Variants in FLT3 observed in about 807,000 individuals in gnomAD.
The protein encoded by FLT3 is receptor-type tyrosine-protein kinase FLT3.
FLT3 carries 46 observed loss-of-function variants against 126.6 expected under a neutral mutation model. The ratio of observed to expected loss-of-function variants is 0.36; its 90% confidence interval spans 0.29 to 0.46. FLT3 has a LOEUF of 0.46. Among genes scored for constraint, FLT3 ranks in the 20% least tolerant of loss-of-function variants. The probability of loss-of-function intolerance (pLI) is 1.00; values close to 1 mark genes in which losing one functional copy is unlikely to be tolerated. For synonymous variants in FLT3, 404 were observed against 434.4 expected (o/e 0.93, Z 0.87); for missense variants, 1,069 against 1,190.3 (o/e 0.90, Z 1.50).
In FLT3 at chr13:28,070,989, A is replaced by AT. The variant is rs1877452959; in HGVS notation, c.44-378_44-377insA. 6.0e-5 allele frequency among the ~76,000 whole-genome samples: 5 copies of AT among 83,436 alleles called. No homozygotes were observed. In the South Asian group the frequency reaches 2.0e-3, roughly 34 times the overall value. 54.7% of individuals were successfully genotyped at this position (83,436 alleles called of 152,430 possible). On this transcript the variant is annotated intron_variant, in intron 1 of 23. Coordinates refer to ENST00000241453, the MANE Select transcript of FLT3 (RefSeq NM_004119.3). Reference sequence around the variant, plus strand: ...CACTTTTTATTGTATATAGATTTCTACCTTTTTTTTTTTTTTTTTTTTTGA... The same window carrying AT: ...CACTTTTTATTGTATATAGATTTCTATCCTTTTTTTTTTTTTTTTTTTTTGA...
At chr13:28,054,295 CTTAAT>C (rs1875809262) in intron 4 of FLT3, among the ~76,000 whole-genome samples, 1 of 151,654 alleles carries the variant, frequency 6.6e-6, no homozygotes, top group African/African-American at 2.4e-5. Flanking sequence ...TCATTGTGGT[CTTAAT>C]TTAATTTCTC....
At chr13:28,058,207 T>TAAAAAAAAAA (rs57780867) in intron 3 of FLT3, among the ~76,000 whole-genome samples, 17 of 127,598 alleles carry the variant, frequency 1.3e-4, no homozygotes, top group East Asian at 2.4e-4. Context: ...TTTTAAAAAT[T>TAAAAAAAAAA]AAAAAAAAAA....
At chr13:28,079,311 G>T (rs1254154703) in intron 1 of FLT3, among the ~76,000 whole-genome samples, 1 of 152,078 alleles carries the variant, frequency 6.6e-6, no homozygotes, top group African/African-American at 2.4e-5. Context: ...CCTCGGCTTG[G>T]ACCTTATTGT....
chr13:28,097,335 CTCT>C (rs908834670), intron 1 of FLT3, among the ~76,000 whole-genome samples: 4 of 152,162 alleles, frequency 2.6e-5, no homozygotes, highest in African/African-American at 9.6e-5. Flanking sequence ...TGCATGTTTT[CTCT>C]TCATTTTTCT....
intron 1 of FLT3, among the ~76,000 whole-genome samples, chr13:28,090,934 G>A (rs186392617): frequency 1.6e-3 from 242 of 152,240 alleles, no homozygotes; most frequent in Non-Finnish European, 2.9e-3. Context: ...AATTGAAAAA[G>A]AGCTCTCAAA....
chr13:28,029,212 G>A (rs993414319), intron 15 of FLT3, among the ~76,000 whole-genome samples: 10 of 152,196 alleles, frequency 6.6e-5, no homozygotes, highest in African/African-American at 1.7e-4. Flanking sequence ...CCAACATGGT[G>A]AAACCCTGTC....
chr13:28,007,811 C>T (rs1049246038), intron 23 of FLT3, among the ~76,000 whole-genome samples: 1 of 152,158 alleles, frequency 6.6e-6, no homozygotes, highest in Non-Finnish European at 1.5e-5. Flanking sequence ...GTGGCTAATA[C>T]ATTAGTAAAC....
At chr13:28,088,645 G>GTGCGAT (rs1878839264) in intron 1 of FLT3, among the ~76,000 whole-genome samples, 1 of 144,718 alleles carries the variant, frequency 6.9e-6, no homozygotes, top group Non-Finnish European at 1.5e-5. Flanking sequence ...GAGTGCAATG[G>GTGCGAT]TGCGATCTTG....
At chr13:28,035,768 G>T in intron 11 of FLT3, 95 bp from the exon 12 acceptor site, 1 of 1,346,492 alleles carries the variant, frequency 7.4e-7, no homozygotes, top group Non-Finnish European at 1.0e-6. Flanking sequence ...GATTCATCCA[G>T]TATAAGTTAT....
At chr13:28,052,150 A>G (rs1230014110) in intron 5 of FLT3, among the ~76,000 whole-genome samples, 1 of 151,518 alleles carries the variant, frequency 6.6e-6, no homozygotes, top group Non-Finnish European at 1.5e-5. Context: ...GCTGGAGTGC[A>G]ATGGCGTGAT....
chr13:28,092,728 G>T (rs559266007), intron 1 of FLT3, among the ~76,000 whole-genome samples: 14 of 151,636 alleles, frequency 9.2e-5, no homozygotes, highest in Non-Finnish European at 1.5e-4. Context: ...ATCAGAGCAT[G>T]TCACACCTCT....
Position 28,100,519 on chromosome 13 carries a change from G to A in FLT3, c.-9C>T. The stretch of plus-strand genomic sequence containing the variant: ...CGCGCCAACGCCGGCATGGCCTCCG[G>A]AGCCCGGGGTCCCCAGGCCGCGCCG... On this transcript the variant is annotated 5_prime_UTR_variant, in exon 1 of 24. Transcript: ENST00000241453. This position sits in a 1 kb window ranked among gnomAD's most constrained non-coding sequence, Gnocchi z 4.8. 8.2e-7 allele frequency: 1 copy of A among 1,214,648 alleles called. No homozygotes were observed. The highest frequency in any genetic ancestry group is 4.1e-5 in the South Asian group (1 of 24,210). 75.2% of individuals were successfully genotyped at this position (1,214,648 alleles called of 1,614,324 possible). A position where few individuals can be genotyped will look rare whatever the true frequency, so the allele number is the denominator to read the frequency against.
chr13:28,098,738 A>G (rs982212678), intron 1 of FLT3, among the ~76,000 whole-genome samples: 1 of 152,182 alleles, frequency 6.6e-6, no homozygotes, highest in Non-Finnish European at 1.5e-5. Flanking sequence ...TAATGGATAA[A>G]ATAAATTATA....
At chr13:28,051,759 G>A (rs1345930440) in intron 5 of FLT3, among the ~76,000 whole-genome samples, 2 of 149,206 alleles carry the variant, frequency 1.3e-5, no homozygotes, top group Non-Finnish European at 3.0e-5. Context: ...TGTTAGCCAG[G>A]ATGATCTCGA....
At chr13:28,098,992 A>G (rs1199071911) in intron 1 of FLT3, among the ~76,000 whole-genome samples, 3 of 152,164 alleles carry the variant, frequency 2.0e-5, no homozygotes, top group Admixed American at 1.3e-4. Flanking sequence ...GAATTGCTCT[A>G]TATCTCAGTC....
rs914275836 is a variant in FLT3, at chr13:28,028,097, G to C, written c.2053+81C>G. The C allele has an allele frequency of 1.7e-5, 13 of 750,532 alleles. No individual in the cohort carries two copies. In the Admixed American group the frequency reaches 2.6e-4, roughly 15 times the overall value. The allele number at this position is 750,532 out of a possible 1,614,324, so 46.5% of individuals were successfully genotyped here. On this transcript the variant is annotated intron_variant, in intron 16 of 23. Coordinates refer to ENST00000241453, the MANE Select transcript of FLT3 (RefSeq NM_004119.3). ...AAAGACAAAGAATTAAAAAGAGAGAGAGAGAGAGAGAGAGCAAACATCCTC... is the reference window on the plus strand; with the variant it reads ...AAAGACAAAGAATTAAAAAGAGAGACAGAGAGAGAGAGAGCAAACATCCTC...
rs1872311426 is a variant in FLT3 at position 28,020,732 on chromosome 13, A to C, written c.2419-2143T>G. On this transcript the variant is annotated intron_variant, in intron 19 of 23. Transcript: ENST00000241453. ...CTTCGAGCCCAGGAGTCATATCATA[A>C]CTGACTCTGTATCTCCAGCATCTAG... Among the ~76,000 whole-genome samples, 6 of 152,230 alleles carry C rather than the reference A, an allele frequency of 3.9e-5. No homozygotes were observed. The South Asian group carries it at 1.2e-3, about 32-fold the overall frequency.
intron 1 of FLT3, among the ~76,000 whole-genome samples, chr13:28,096,434 G>T (rs966060207): frequency 1.3e-5 from 2 of 148,662 alleles, no homozygotes; most frequent in Non-Finnish European, 3.0e-5. Flanking sequence ...CTTCATTGAC[G>T]CATGCAATTT....
chr13:28,084,259 C>T (rs1361691120), intron 1 of FLT3, among the ~76,000 whole-genome samples: 1 of 152,038 alleles, frequency 6.6e-6, no homozygotes, highest in Non-Finnish European at 1.5e-5. Context: ...TCCAAAAATG[C>T]TGGGATTACA....
Sources: gnomAD v4.1 joint callset for allele counts (sites outside exome capture counted in the v4.1 genomes callset) on GRCh38, gnomAD v4.1.1 for gene constraint, Gnocchi (gnomAD v3.1) non-coding constraint, MANE v1.5 for transcripts, NCBI Gene and HGNC (gene_info 2026-07-23, HGNC 2026-07-21) for gene names.